Variants in CROCC2 observed in about 807,000 individuals in gnomAD.
CROCC2 encodes the protein ciliary rootlet coiled-coil protein 2.
In CROCC2, 163 loss-of-function variants were observed where a neutral mutation model predicts 177.6. That is an observed-to-expected ratio of 0.92 (90% CI 0.81 to 1.05). The LOEUF is 1.05. CROCC2 is among the 50% of genes least tolerant of loss of function. The pLI is 0.00. For synonymous variants in CROCC2, 904 were observed against 787.3 expected (o/e 1.15, Z -2.48); for missense variants, 1,929 against 1,797.8 (o/e 1.07, Z -1.32).
chr2:240,952,025 T>C (rs1276053035), intron 18 of CROCC2, among the ~76,000 whole-genome samples: 2 of 152,118 alleles, frequency 1.3e-5, no homozygotes, highest in African/African-American at 4.8e-5. Flanking sequence ...TTGTGTCCCA[T>C]GGGGTGATAA....
At chr2:240,988,541 T>A (rs1334495930) in intron 28 of CROCC2, among the ~76,000 whole-genome samples, 198 bp from the exon 29 acceptor site, 1 of 152,166 alleles carries the variant, frequency 6.6e-6, no homozygotes, top group Non-Finnish European at 1.5e-5. Flanking sequence ...CCTTAAGCTG[T>A]CACTCTGGCT....
chr2:240,950,929 A>G (rs1336146143), intron 18 of CROCC2: 3 of 175,320 alleles, frequency 1.7e-5, no homozygotes, highest in African/African-American at 7.2e-5. Context: ...CCATCCACCC[A>G]TTTACCTGCT....
At chr2:240,931,982 C>T (rs1174094950) in intron 7 of CROCC2, among the ~76,000 whole-genome samples, 2 of 152,264 alleles carry the variant, frequency 1.3e-5, no homozygotes, top group East Asian at 3.8e-4. Context: ...GTGACAGGTG[C>T]TCCAGGCAGA....
At chr2:240,991,593 G>A (rs890520589) in intron 31 of CROCC2, among the ~76,000 whole-genome samples, 1 of 152,214 alleles carries the variant, frequency 6.6e-6, no homozygotes. Context: ...TGCAGCTGGT[G>A]CTGGACCATG....
intron 1 of CROCC2, among the ~76,000 whole-genome samples, chr2:240,909,621 G>A (rs2059275107): frequency 1.3e-5 from 2 of 152,212 alleles, no homozygotes; most frequent in Non-Finnish European, 2.9e-5. Context: ...ATCAGGCAGG[G>A]GCATGAGCAC....
chr2:240,961,598 ACG>A (rs1377999896), intron 20 of CROCC2, among the ~76,000 whole-genome samples: 6 of 124,208 alleles, frequency 4.8e-5, no homozygotes, highest in Non-Finnish European at 1.0e-4. Flanking sequence ...ACACACACAC[ACG>A]CACTCACACA....
chr2:240,914,744 G>A (rs985520000), intron 1 of CROCC2, among the ~76,000 whole-genome samples: 2 of 152,132 alleles, frequency 1.3e-5, no homozygotes, highest in African/African-American at 2.4e-5. Flanking sequence ...TCCCCCTCCC[G>A]CCCCCAGCTC....
At chr2:240,991,963 T>C (rs1574804229) in intron 31 of CROCC2, among the ~76,000 whole-genome samples, 1 of 152,112 alleles carries the variant, frequency 6.6e-6, no homozygotes, top group Non-Finnish European at 1.5e-5. Flanking sequence ...TGGCTGGAAG[T>C]GACTCAGATT....
rs751906034 is a variant in CROCC2, at chr2:240,972,137, G to A, written c.4401+3875G>A. ...TAGTTTTGTGATTTTTTTCCTTTGC[G>A]TGTCTTTAAAGAAAGGAGTTCTGGC... On this transcript the variant is annotated intron_variant, in intron 27 of 31. Coordinates refer to ENST00000690015, the MANE Select transcript of CROCC2 (RefSeq NM_001351305.2). The surrounding 1 kb of genome is among the most constrained non-coding windows in gnomAD (Gnocchi z 7.1). 5.9e-5 allele frequency among the ~76,000 whole-genome samples: 9 copies of A among 152,040 alleles called. No individual in the cohort carries two copies. Among genetic ancestry groups the A allele is most frequent in the Admixed American group, 3.3e-4 (5 of 15,272 alleles).
chr2:240,959,019 G>A lies in CROCC2; in HGVS notation c.2944-282G>A, dbSNP rs868056681. The A allele has an allele frequency of 8.2e-5, 31 of 378,130 alleles. No individual in the cohort carries two copies. The Middle Eastern group carries it at 2.8e-3, about 35-fold the overall frequency. The allele number at this position is 378,130 out of a possible 1,614,324, so 23.4% of individuals were successfully genotyped here. ...GGTGGTCCCTGTAGGGATGGGCCCT[G>A]CCCCAGGGCGCAGGCTGAGCTGAGG... On this transcript the variant is annotated intron_variant, in intron 19 of 31. Transcript: ENST00000690015.
At chr2:240,914,797 T>TGAGGGCTGGTGGGGCC (rs1559587815) in intron 1 of CROCC2, among the ~76,000 whole-genome samples, 5 of 152,162 alleles carry the variant, frequency 3.3e-5, no homozygotes, top group African/African-American at 1.2e-4. Flanking sequence ...GTGGTGGGGC[T>TGAGGGCTGGTGGGGCC]GCTGAGGGCT....
intron 18 of CROCC2, among the ~76,000 whole-genome samples, chr2:240,952,133 G>T (rs1457260182): frequency 6.6e-6 from 1 of 152,142 alleles, no homozygotes; most frequent in East Asian, 1.9e-4. Context: ...ATCACTTGAG[G>T]TCAGGAGTTC....
In CROCC2 at chr2:240,950,507, A is replaced by G; in HGVS notation, c.2826A>G (p.Gln942=). ...ESLLQLEHKM[Q]QALSLKETER... ...TTCTCCAACTGGAGCACAAGATGCA[A>G]CAGGTGATGGTGAGGCTGGGGGGCA... The change falls in exon 18 of 32, where the codon CAA becomes CAG. Residue 942 remains glutamine, a synonymous_variant. Transcript: ENST00000690015. The G allele has an allele frequency of 2.6e-6, 4 of 1,549,126 alleles. No individual in the cohort carries two copies. The highest frequency in any genetic ancestry group is 3.5e-6 in the Non-Finnish European group (4 of 1,146,122).
At chr2:240,992,785 A>C (rs2059888780) in intron 31 of CROCC2, among the ~76,000 whole-genome samples, 1 of 152,230 alleles carries the variant, frequency 6.6e-6, no homozygotes, top group Non-Finnish European at 1.5e-5. Flanking sequence ...GGAGGGGGTC[A>C]CTGAGAGGCA....
chr2:240,926,086 T>C (rs2059393946), intron 5 of CROCC2, among the ~76,000 whole-genome samples: 1 of 152,194 alleles, frequency 6.6e-6, no homozygotes, highest in Admixed American at 6.5e-5. Flanking sequence ...CCACCCCTAC[T>C]GCCCCCCACC....
At chr2:240,956,013 G>A (rs1254610932) in intron 19 of CROCC2, 41 bp downstream of exon 19, 2 of 1,453,170 alleles carry the variant, frequency 1.4e-6, no homozygotes, top group East Asian at 2.5e-5. Context: ...AGCCAAGCAG[G>A]TGCTGGCAGA....
chr2:240,942,972 C>T (rs562844171), intron 14 of CROCC2, among the ~76,000 whole-genome samples: 6 of 152,188 alleles, frequency 3.9e-5, no homozygotes, highest in African/African-American at 1.4e-4. Context: ...TCCTTTACTA[C>T]TTCTGAATTA....
intron 14 of CROCC2, 33 bp from the exon 15 acceptor site, chr2:240,946,027 C>A (rs1157084638): frequency 1.4e-6 from 2 of 1,454,600 alleles, no homozygotes; most frequent in Non-Finnish European, 1.8e-6. Flanking sequence ...TACTCTCTTT[C>A]TCTGCCGACT....
Position 240,966,371 on chromosome 2 carries a change from G to T in CROCC2, c.4108G>T (p.Asp1370Tyr). Reference protein sequence around the residue: ...DVATVQDILRDFVQKLREAQR... With the variant: ...DVATVQDILRYFVQKLREAQR... ...GGCCACCGTGCAGGACATCCTGCGG[G>T]ACTTTGTGCAGAAGCTCCGGGAAGC... is the stretch of plus-strand genomic sequence containing the variant. Residue 1370 changes from aspartate (D) to tyrosine (Y), a missense_variant, in exon 25 of 32, where the codon GAC becomes TAC. Physicochemically the swap from Asp to Tyr is radical, Grantham distance 160. Coordinates refer to ENST00000690015, the MANE Select transcript of CROCC2 (RefSeq NM_001351305.2). 3 of 402,326 alleles carry T rather than the reference G, an allele frequency of 7.5e-6. No individual in the cohort carries two copies. The highest frequency in any genetic ancestry group is 3.6e-5 in the East Asian group (1 of 28,054). The allele number at this position is 402,326 out of a possible 1,614,324, so 24.9% of individuals were successfully genotyped here.
Sources: gnomAD v4.1 joint callset for allele counts (sites outside exome capture counted in the v4.1 genomes callset) on GRCh38, gnomAD v4.1.1 for gene constraint, Gnocchi (gnomAD v3.1) non-coding constraint, MANE v1.5 for transcripts, NCBI Gene and HGNC (gene_info 2026-07-23, HGNC 2026-07-21) for gene names.